PTPN22: variants seen among roughly 807,000 people sequenced by gnomAD.
PTPN22 encodes protein tyrosine phosphatase non-receptor type 22.
Under a neutral mutation model 103.3 loss-of-function variants are expected in PTPN22, and 85 were observed. The ratio of observed to expected loss-of-function variants is 0.82; its 90% CI spans 0.69 to 0.99. The LOEUF (loss-of-function observed/expected upper bound fraction) is 0.99, where lower values mean the gene tolerates loss of function less well. Among genes scored for constraint, PTPN22 ranks in the 50% least tolerant of loss-of-function variants. PTPN22 has a pLI of 0.00. For missense variants in PTPN22, 865 were observed against 936.9 expected (o/e 0.92, Z 1.00); for synonymous variants, 323 against 310.2 (o/e 1.04, Z -0.43).
chr1:113,854,578 T>TAG, intron 8 of PTPN22, 41 bp from the exon 9 acceptor site: 1 of 1,554,012 alleles, frequency 6.4e-7, no homozygotes, highest in Non-Finnish European at 8.9e-7. Flanking sequence ...CATGTATACC[T>TAG]AGAGAGAATG....
intron 19 of PTPN22, among the ~76,000 whole-genome samples, 175 bp downstream of exon 19, chr1:113,824,966 CA>C (rs35424386): frequency 0.042 from 2,749 of 65,114 alleles, 35 homozygotes; most frequent in African/African-American, 0.15. Context: ...TGAAGCCTAG[CA>C]AAAAAAAAAA....
rs549676310 is a variant in PTPN22, at chr1:113,829,948, C to A, written c.2134+1G>T. On this transcript the variant is annotated splice_donor_variant, in intron 17 of 20. Transcript: ENST00000359785. LOFTEE classifies it high-confidence loss of function. ...TTTTGAGAGAAAGTGCTACCACTTA[C>A]AATCTTCATCGGCAAGAAAGAAGGA... is the stretch of plus-strand genomic sequence containing the variant. 3.0e-4 allele frequency: 477 copies of A among 1,590,768 alleles called. 4 individuals are homozygous for A. The South Asian group carries it at 5.1e-3, about 17-fold the overall frequency.
intron 15 of PTPN22, 64 bp from the exon 16 acceptor site, chr1:113,833,202 G>A: frequency 6.2e-6 from 8 of 1,299,966 alleles, no homozygotes; most frequent in Non-Finnish European, 8.5e-6. Flanking sequence ...CAAACTCAAA[G>A]CAAAAAATGG....
intron 19 of PTPN22, among the ~76,000 whole-genome samples, 187 bp downstream of exon 19, chr1:113,824,955 G>T (rs2101896857): frequency 7.8e-6 from 1 of 128,160 alleles, no homozygotes; most frequent in African/African-American, 2.9e-5. Flanking sequence ...TATTAGTATT[G>T]TGAAGCCTAG....
chr1:113,855,825 C>T (rs1665008601), intron 7 of PTPN22, among the ~76,000 whole-genome samples: 1 of 152,212 alleles, frequency 6.6e-6, no homozygotes, highest in South Asian at 2.1e-4. Flanking sequence ...CAATGTGTCA[C>T]AATCATGCTG....
At chr1:113,854,965 T>C in exon 8 of PTPN22, 1 of 1,609,960 alleles carries the variant, frequency 6.2e-7, no homozygotes, top group Non-Finnish European at 8.5e-7. Context: ...ACATCCCAGA[T>C]GAGCTCAAGA....
intron 4 of PTPN22, chr1:113,858,017 G>A (rs188414139): frequency 3.7e-4 from 118 of 323,018 alleles, no homozygotes; most frequent in Non-Finnish European, 5.9e-4. Flanking sequence ...GCCTGTCAAG[G>A]TAAGAACTTT....
intron 19 of PTPN22, among the ~76,000 whole-genome samples, chr1:113,824,780 C>G (rs934561540): frequency 2.0e-5 from 3 of 151,826 alleles, no homozygotes; most frequent in African/African-American, 7.3e-5. Flanking sequence ...AGGAGGATCA[C>G]TTGAGCCCAG....
At chr1:113,825,117 T>C (rs1661938604) in intron 19 of PTPN22, 25 bp downstream of exon 19, 1 of 1,436,900 alleles carries the variant, frequency 7.0e-7, no homozygotes, top group Non-Finnish European at 9.5e-7. Flanking sequence ...GAAAACGATA[T>C]TTTTAAACAT....
intron 18 of PTPN22, among the ~76,000 whole-genome samples, chr1:113,826,385 G>A (rs1193288548): frequency 1.4e-5 from 2 of 144,132 alleles, no homozygotes; most frequent in Non-Finnish European, 3.0e-5. Context: ...AGGAAGGGAA[G>A]TGAAGGGAGA....
At chr1:113,863,577 T>A (rs950625662) in intron 1 of PTPN22, among the ~76,000 whole-genome samples, 6 of 152,208 alleles carry the variant, frequency 3.9e-5, no homozygotes, top group African/African-American at 9.6e-5. Flanking sequence ...CTGATAAATA[T>A]GTTCAAGTGA....
intron 20 of PTPN22, among the ~76,000 whole-genome samples, chr1:113,817,277 C>A (rs1019008417): frequency 6.6e-6 from 1 of 152,118 alleles, no homozygotes; most frequent in Non-Finnish European, 1.5e-5. Flanking sequence ...TTTCACTGGT[C>A]AATTCTCAGT....
intron 13 of PTPN22, 135 bp downstream of exon 13, chr1:113,837,455 A>G (rs1663110787): frequency 2.8e-6 from 2 of 702,506 alleles, no homozygotes; most frequent in Non-Finnish European, 4.5e-6. Flanking sequence ...ATCTCAAAAA[A>G]AAAAAAGAAA....
At position 113,837,773 on chromosome 1, in the gene PTPN22, T is replaced by C. The variant is rs114092230; in HGVS notation, c.1627A>G (p.Ser543Gly). The C allele has an allele frequency of 4.5e-4, 723 of 1,613,910 alleles. 6 individuals are homozygous for C. In the African/African-American group the frequency reaches 7.9e-3, roughly 18 times the overall value. Residue 543 changes from serine (S) to glycine (G), a missense_variant, in exon 13 of 21, where the codon AGT becomes GGT. Transcript: ENST00000359785. ...AGAGACATCTTAGAACTGGTACCACTTGGAGGCCATGATGAAAAATAAGGA... is the reference window on the plus strand; with the variant it reads ...AGAGACATCTTAGAACTGGTACCACCTGGAGGCCATGATGAAAAATAAGGA...
At chr1:113,860,068 T>C (rs1238292158) in intron 1 of PTPN22, among the ~76,000 whole-genome samples, 2 of 151,648 alleles carry the variant, frequency 1.3e-5, no homozygotes, top group African/African-American at 2.4e-5. Context: ...CTCAGGTGAT[T>C]CTTCCACCTC....
intron 11 of PTPN22, among the ~76,000 whole-genome samples, chr1:113,842,069 G>A (rs1171583553): frequency 6.6e-6 from 1 of 152,050 alleles, no homozygotes; most frequent in East Asian, 1.9e-4. Flanking sequence ...AATTAGCTTG[G>A]TGTGGTAGTG....
chr1:113,842,457 C>T (rs945579968), intron 11 of PTPN22, among the ~76,000 whole-genome samples: 2 of 151,930 alleles, frequency 1.3e-5, no homozygotes, highest in African/African-American at 2.4e-5. Flanking sequence ...CGGCGGATCA[C>T]GAAGTCAAGA....
chr1:113,817,852 G>A (rs568570335), intron 20 of PTPN22, among the ~76,000 whole-genome samples: 33 of 152,236 alleles, frequency 2.2e-4, no homozygotes, highest in African/African-American at 5.5e-4. Flanking sequence ...TGTTAAGCTA[G>A]GTAGGCCTAG....
At chr1:113,834,835 A>G (rs1353416119) in intron 14 of PTPN22, 75 bp downstream of exon 14, 2 of 1,215,508 alleles carry the variant, frequency 1.6e-6, no homozygotes, top group Admixed American at 2.4e-5. Context: ...TCAGCTTCCC[A>G]AAGTGCTGGA....
Sources: allele counts gnomAD v4.1 joint callset (sites outside exome capture counted in the v4.1 genomes callset), GRCh38; gene constraint gnomAD v4.1.1; transcripts MANE v1.5; gene names NCBI Gene and HGNC (gene_info 2026-07-23, HGNC 2026-07-21).